ESR2: variants seen among roughly 807,000 people sequenced by gnomAD.
The protein encoded by ESR2 is estrogen receptor 2.
A neutral mutation model predicts 49.6 loss-of-function variants in ESR2; 36 were observed. The ratio of observed to expected loss-of-function variants is 0.73; its 90% confidence interval spans 0.56 to 0.96. The LOEUF is 0.96. ESR2 is among the 40% of genes least tolerant of loss of function. ESR2 has a pLI of 0.00. For missense variants in ESR2, 714 were observed against 693.0 expected (o/e 1.03, Z -0.34); for synonymous variants, 320 against 266.1 (o/e 1.20, Z -1.97).
At chr14:64,227,869 A>AT (rs753020149), downstream of ESR2, 28 of 1,595,966 alleles carry the variant, frequency 1.8e-5, no homozygotes, top group Non-Finnish European at 2.4e-5. Context: ...TGCAAGGGAC[A>AT]TTTTCACATG....
Position 64,257,212 on chromosome 14 carries a change from G to T in ESR2, c.1091+14C>A. On this transcript the variant is annotated intron_variant, in intron 6 of 8. Coordinates refer to ENST00000341099, the MANE Select transcript of ESR2 (RefSeq NM_001437.3). ...AAACAAGTCAGAGAAGAAACACAAT[G>T]TATTTTTTCTCACCTGTCCAGAACA... 2 of 1,613,440 alleles carry T rather than the reference G, an allele frequency of 1.2e-6. No individual in the cohort carries two copies. The highest frequency in any genetic ancestry group is 8.5e-7 in the Non-Finnish European group (1 of 1,179,432).
At chr14:64,279,672 G>A (rs1188703854) in intron 3 of ESR2, among the ~76,000 whole-genome samples, 1 of 152,198 alleles carries the variant, frequency 6.6e-6, no homozygotes, top group Non-Finnish European at 1.5e-5. Context: ...AACTCCTTGT[G>A]AGCACATTTT....
At chr14:64,260,820 A>T (rs1260528144) in intron 4 of ESR2, 72 bp from the exon 5 acceptor site, 1 of 1,358,316 alleles carries the variant, frequency 7.4e-7, no homozygotes, top group East Asian at 2.7e-5. Flanking sequence ...CTTGACTTTT[A>T]TTTTCTGGAG....
chr14:64,227,347 TAC>T (rs2098722328), downstream of ESR2: 2 of 662,344 alleles, frequency 3.0e-6, no homozygotes, highest in Non-Finnish European at 5.1e-6. Flanking sequence ...CTTTAGCGTT[TAC>T]AGTTATCAAA....
chr14:64,286,982 G>T (rs914174479), intron 1 of ESR2, among the ~76,000 whole-genome samples: 1 of 151,178 alleles, frequency 6.6e-6, no homozygotes, highest in African/African-American at 2.4e-5. Flanking sequence ...CTCCCAAAGT[G>T]CTGGGATTAC....
Position 64,260,701 on chromosome 14 carries a change from T to A in ESR2, c.700A>T (p.Ser234Cys). 1 of 1,558,314 alleles carries A rather than the reference T, an allele frequency of 6.4e-7. No individual in the cohort carries two copies. The highest frequency in any genetic ancestry group is 8.7e-7 in the Non-Finnish European group (1 of 1,148,742). ...CGYRLVRRQRSADEQLHCAGK... is the reference protein window; with the variant it reads ...CGYRLVRRQRCADEQLHCAGK... ...GCACAGTGCAGCTGCTCGTCGGCACTTCTCTGTCTCCGCACAAGGCGGTAC... is the reference window on the plus strand; with the variant it reads ...GCACAGTGCAGCTGCTCGTCGGCACATCTCTGTCTCCGCACAAGGCGGTAC... Residue 234 changes from serine to cysteine, a missense_variant, in exon 5 of 9, where the codon AGT (serine) becomes TGT (cysteine). By Grantham distance (112) the Ser-to-Cys change is moderately radical. Coordinates refer to ENST00000341099, the MANE Select transcript of ESR2 (RefSeq NM_001437.3).
At position 64,230,967 on chromosome 14, in the gene ESR2, C is replaced by G. The variant is rs1270829327; in HGVS notation, c.*2170G>C. 2 of 144,312 alleles carry G rather than the reference C, an allele frequency of 1.4e-5. No individual in the cohort carries two copies. Among genetic ancestry groups the G allele is most frequent in the Non-Finnish European group, 1.5e-5 (1 of 67,166 alleles). The allele number at this position is 144,312 out of a possible 1,614,324, so 8.9% of individuals were successfully genotyped here. Reference sequence around the variant, plus strand: ...CAGGCTGGAGTGCAATGGACTGCAGCCTTGATCTCCCCAGGCTCAGGTGAT... The same window carrying G: ...CAGGCTGGAGTGCAATGGACTGCAGGCTTGATCTCCCCAGGCTCAGGTGAT... On this transcript the variant is annotated 3_prime_UTR_variant, in exon 9 of 9. Transcript: ENST00000341099.
Position 64,282,631 on chromosome 14 carries a change from C to T in ESR2, c.355G>A (p.Val119Ile), listed in dbSNP as rs148388530. 3 of 1,594,820 alleles carry T rather than the reference C, an allele frequency of 1.9e-6. No individual in the cohort carries two copies. Among genetic ancestry groups the T allele is most frequent in the East Asian group, 2.3e-5 (1 of 44,384 alleles). The change falls in exon 2 of 9, where the codon GTA becomes ATA. Residue 119 changes from valine to isoleucine, a missense_variant. Physicochemically the swap from Val to Ile is conservative, Grantham distance 29. Coordinates refer to ENST00000341099, the MANE Select transcript of ESR2 (RefSeq NM_001437.3). ...AATGAAGACTGGACTTACCTGTTTA[C>T]AGGTAAGGTGTGTTCTAGCGATCTT... is the stretch of plus-strand genomic sequence containing the variant. ...EARSLEHTLP[V>I]NRETLKRKVS...
chr14:64,296,723 C>T (rs1269986793), upstream of ESR2, among the ~76,000 whole-genome samples: 1 of 152,196 alleles, frequency 6.6e-6, no homozygotes, highest in Non-Finnish European at 1.5e-5. Context: ...CTTCAGAAGG[C>T]ATTCTACACA....
intron 6 of ESR2, among the ~76,000 whole-genome samples, chr14:64,249,942 G>A (rs1311418835): frequency 1.3e-5 from 2 of 152,148 alleles, no homozygotes; most frequent in Admixed American, 6.6e-5. Context: ...GCAAAAATGT[G>A]CATTGGAATA....
At chr14:64,336,282 G>A (rs1306667852) in intron 1 of ESR2, 2 of 152,120 alleles carry the variant, frequency 1.3e-5, no homozygotes, top group African/African-American at 2.4e-5. Context: ...ATTTTAAGTT[G>A]TAGATAATAT....
At chr14:64,293,469 T>C (rs75655276) in intron 1 of ESR2, among the ~76,000 whole-genome samples, 1 of 152,186 alleles carries the variant, frequency 6.6e-6, no homozygotes, top group Non-Finnish European at 1.5e-5. Context: ...AAAATGACAT[T>C]CACTTGACTT....
upstream of ESR2, among the ~76,000 whole-genome samples, chr14:64,294,860 C>T (rs374754294): frequency 2.0e-5 from 3 of 152,342 alleles, no homozygotes; most frequent in African/African-American, 7.2e-5. Flanking sequence ...AGTGGGTTCT[C>T]AGCTCTCAAG....
intron 2 of ESR2, 109 bp from the exon 3 acceptor site, chr14:64,280,262 C>T (rs1234657749): frequency 1.4e-5 from 11 of 798,256 alleles, no homozygotes; most frequent in Non-Finnish European, 2.1e-5. Flanking sequence ...CTTTTTCCTC[C>T]AGGGTTCCTG....
At chr14:64,284,514 G>T (rs1490720913) in intron 1 of ESR2, among the ~76,000 whole-genome samples, 1 of 151,340 alleles carries the variant, frequency 6.6e-6, no homozygotes, top group Non-Finnish European at 1.5e-5. Flanking sequence ...TAGAGACAGG[G>T]TTTCACCGTG....
upstream of ESR2, chr14:64,294,544 G>C (rs541939547): frequency 2.0e-5 from 3 of 152,068 alleles, no homozygotes; most frequent in Non-Finnish European, 4.4e-5. Flanking sequence ...CACCCACAAG[G>C]ATAGTGGCGC....
chr14:64,334,596 G>A (rs1441973705), intron 1 of ESR2, among the ~76,000 whole-genome samples: 1 of 152,210 alleles, frequency 6.6e-6, no homozygotes, highest in Non-Finnish European at 1.5e-5. Context: ...CTACATTCAA[G>A]AAGAGGAGAA....
chr14:64,256,775 AGAGT>A (rs773569987), intron 6 of ESR2, among the ~76,000 whole-genome samples: 10 of 152,290 alleles, frequency 6.6e-5, no homozygotes, highest in Non-Finnish European at 1.3e-4. Context: ...AAAAAACAAA[AGAGT>A]GAGTTAAAGC....
chr14:64,257,944 T>C (rs950611082), intron 5 of ESR2, among the ~76,000 whole-genome samples: 1 of 152,110 alleles, frequency 6.6e-6, no homozygotes, highest in Non-Finnish European at 1.5e-5. Flanking sequence ...ACAGCAAATA[T>C]AGCCAAGCAC....
Sources: allele counts gnomAD v4.1 joint callset (sites outside exome capture counted in the v4.1 genomes callset), GRCh38; gene constraint gnomAD v4.1.1; transcripts MANE v1.5; gene names NCBI Gene and HGNC (gene_info 2026-07-23, HGNC 2026-07-21).